Variants in TRAPPC9 observed in about 807,000 individuals in gnomAD.
TRAPPC9 encodes the protein trafficking protein particle complex subunit 9.
In TRAPPC9, 83 loss-of-function variants were observed where a neutral mutation model predicts 124.0. That is an observed-to-expected ratio of 0.67 (90% CI 0.56 to 0.80). The LOEUF (loss-of-function observed/expected upper bound fraction) is 0.80, where lower values mean the gene tolerates loss of function less well. Among genes scored for constraint, TRAPPC9 ranks in the 30% least tolerant of loss-of-function variants. The pLI is 0.00. For missense variants in TRAPPC9, 1,302 were observed against 1,508.3 expected, an observed-to-expected ratio of 0.86 and a Z score of 2.27; for synonymous variants, 638 against 617.5, an observed-to-expected ratio of 1.03 and a Z score of -0.49.
At chr8:140,288,517 A>T (rs953671759) in intron 12 of TRAPPC9, among the ~76,000 whole-genome samples, 4 of 152,208 alleles carry the variant, frequency 2.6e-5, no homozygotes, top group Non-Finnish European at 5.9e-5. Flanking sequence ...GAAGCAGTAC[A>T]GGTATGTCAG....
intron 7 of TRAPPC9, among the ~76,000 whole-genome samples, chr8:140,394,443 A>G (rs2132365382): frequency 6.6e-6 from 1 of 152,298 alleles, no homozygotes; most frequent in South Asian, 2.1e-4. Context: ...TGACCACATG[A>G]ACTTGTTATC....
At chr8:140,435,022 T>C in intron 4 of TRAPPC9, 90 bp downstream of exon 4, 1 of 1,582,490 alleles carries the variant, frequency 6.3e-7, no homozygotes, top group Non-Finnish European at 8.6e-7. Context: ...ATTTAAATAT[T>C]AGTCCTAACT....
rs199230 is a variant in TRAPPC9, at chr8:139,729,637, T to C, written c.*1424A>G. 0.3 allele frequency among the ~76,000 whole-genome samples: 45,498 copies of C among 151,954 alleles called. 8,752 individuals carry two copies. Among genetic ancestry groups the C allele is most frequent in the African/African-American group, 0.55 (22,761 of 41,418 alleles). On this transcript the variant is annotated 3_prime_UTR_variant, in exon 23 of 23. Transcript: ENST00000438773. ...AGGAGGCCACAGATGGAACAAAAAA[T>C]TTGTTCCTTAGGCCGGAGGCCACAG...
At chr8:140,119,115 C>T (rs117350858) in intron 17 of TRAPPC9, among the ~76,000 whole-genome samples, 2,645 of 152,258 alleles carry the variant, frequency 0.017, 34 homozygotes, top group South Asian at 0.062. Context: ...CAAGATAAGG[C>T]AAGGAGAAAA....
At position 140,439,043 on chromosome 8, in the gene TRAPPC9, T is replaced by C; in HGVS notation, c.730+9A>G. On this transcript the variant is annotated intron_variant, in intron 3 of 22. Transcript: ENST00000438773. ...TACATATCAGATCATCTTCATCAGC[T>C]CATCTTACCTCCAAGCCACAGAAAG... 6.2e-7 allele frequency: 1 copy of C among 1,614,018 alleles called. No individual in the cohort carries two copies. The highest frequency in any genetic ancestry group is 1.1e-5 in the South Asian group (1 of 91,078).
chr8:140,377,716 C>G (rs1361927068), intron 7 of TRAPPC9, among the ~76,000 whole-genome samples: 1 of 152,158 alleles, frequency 6.6e-6, no homozygotes, highest in African/African-American at 2.4e-5. Flanking sequence ...TCCCCCACCC[C>G]CCATCACTCC....
chr8:139,933,489 T>C (rs1017485171), intron 19 of TRAPPC9: 20 of 152,216 alleles, frequency 1.3e-4, no homozygotes, highest in Admixed American at 1.2e-3. Flanking sequence ...TAGGACCCAT[T>C]TGGGCAGACA....
chr8:140,347,792 G>A (rs2067396188), intron 9 of TRAPPC9, among the ~76,000 whole-genome samples: 1 of 152,118 alleles, frequency 6.6e-6, no homozygotes, highest in African/African-American at 2.4e-5. Context: ...TCTCTTTGAT[G>A]GTGTACATGT....
intron 21 of TRAPPC9, among the ~76,000 whole-genome samples, chr8:139,758,892 A>G (rs1366864252): frequency 6.6e-6 from 1 of 152,148 alleles, no homozygotes; most frequent in African/African-American, 2.4e-5. Context: ...TTGCCTCCCC[A>G]TCCTCCAGCG....
intron 9 of TRAPPC9, among the ~76,000 whole-genome samples, chr8:140,338,072 G>A: frequency 6.6e-6 from 1 of 152,138 alleles, no homozygotes; most frequent in Non-Finnish European, 1.5e-5. Flanking sequence ...ACAGATCCCT[G>A]CCACTTAGAA....
chr8:139,800,975 C>T (rs111256378), intron 21 of TRAPPC9, among the ~76,000 whole-genome samples: 18,056 of 146,662 alleles, frequency 0.12, 1,566 homozygotes, highest in East Asian at 0.25. Flanking sequence ...TCCCTCCCTC[C>T]GGCATCTTCC....
chr8:139,899,355 C>T (rs1286596671), intron 20 of TRAPPC9, among the ~76,000 whole-genome samples: 2 of 152,082 alleles, frequency 1.3e-5, no homozygotes, highest in Non-Finnish European at 2.9e-5. Flanking sequence ...ATATGTATTA[C>T]ATACTATATT....
At chr8:140,286,150 G>A (rs777551743) in intron 13 of TRAPPC9, among the ~76,000 whole-genome samples, 2 of 152,244 alleles carry the variant, frequency 1.3e-5, no homozygotes, top group Admixed American at 6.5e-5. Flanking sequence ...CCCAGGAGCC[G>A]GCCAGGGTGA....
chr8:139,952,674 G>A (rs143408347), intron 19 of TRAPPC9, among the ~76,000 whole-genome samples: 250 of 152,318 alleles, frequency 1.6e-3, no homozygotes, highest in African/African-American at 5.8e-3. Context: ...AAGGCAGGTC[G>A]CCAGAGGATG....
chr8:140,454,709 C>T (rs1477539159), intron 1 of TRAPPC9, among the ~76,000 whole-genome samples: 2 of 148,636 alleles, frequency 1.3e-5, no homozygotes, highest in Non-Finnish European at 3.0e-5. Flanking sequence ...GAGGCCAAGT[C>T]GAGTGGATCG....
At chr8:140,352,235 T>A (rs896241459) in intron 9 of TRAPPC9, among the ~76,000 whole-genome samples, 1 of 152,242 alleles carries the variant, frequency 6.6e-6, no homozygotes, top group Non-Finnish European at 1.5e-5. Flanking sequence ...CCTGTGAGCA[T>A]TCTCATATAC....
chr8:140,399,835 G>A (rs1362703031), intron 6 of TRAPPC9, among the ~76,000 whole-genome samples: 1 of 152,150 alleles, frequency 6.6e-6, no homozygotes, highest in Non-Finnish European at 1.5e-5. Flanking sequence ...GGGGTGGAAT[G>A]ACAATAATCT....
At chr8:140,124,585 C>G (rs372117344) in intron 17 of TRAPPC9, among the ~76,000 whole-genome samples, 4 of 152,324 alleles carry the variant, frequency 2.6e-5, no homozygotes, top group African/African-American at 9.6e-5. Context: ...ATTACTGCAT[C>G]TACCATGTGC....
chr8:139,842,017 G>A (rs1488392526), intron 21 of TRAPPC9, among the ~76,000 whole-genome samples: 2 of 152,244 alleles, frequency 1.3e-5, no homozygotes, highest in Non-Finnish European at 2.9e-5. Flanking sequence ...GGAAAACACA[G>A]CAGTGTGAGT....
Sources: allele counts gnomAD v4.1 joint callset (sites outside exome capture counted in the v4.1 genomes callset), GRCh38; gene constraint gnomAD v4.1.1; transcripts MANE v1.5; gene names NCBI Gene and HGNC (gene_info 2026-07-23, HGNC 2026-07-21).